NPR3: variants seen among roughly 807,000 people sequenced by gnomAD.
NPR3 encodes atrial natriuretic peptide receptor 3.
NPR3 carries 34 observed loss-of-function variants against 54.5 expected under a neutral mutation model. The observed-to-expected ratio is 0.62, with a 90% CI of 0.47 to 0.83. NPR3 has a LOEUF of 0.83. Among genes scored for constraint, NPR3 ranks in the 40% least tolerant of loss-of-function variants. The pLI is 0.00. For synonymous variants in NPR3, 289 were observed against 297.1 expected, an observed-to-expected ratio of 0.97 and a Z score of 0.28; for missense variants, 674 against 720.8, an observed-to-expected ratio of 0.94 and a Z score of 0.74.
intron 5 of NPR3, among the ~76,000 whole-genome samples, chr5:32,781,243 C>T (rs1386055375): frequency 6.6e-6 from 1 of 151,962 alleles, no homozygotes. Context: ...ATGAGTCTTC[C>T]GTGCTTGGGA....
chr5:32,732,377 C>T (rs955323968), intron 2 of NPR3, among the ~76,000 whole-genome samples: 1 of 152,006 alleles, frequency 6.6e-6, no homozygotes, highest in South Asian at 2.1e-4. Flanking sequence ...AAGAGACCCT[C>T]CTGGTTGACA....
At chr5:32,774,641 T>C in intron 3 of NPR3, 67 bp from the exon 4 acceptor site, 2 of 1,226,992 alleles carry the variant, frequency 1.6e-6, no homozygotes, top group Non-Finnish European at 2.4e-6. Flanking sequence ...CGCTTTGGAT[T>C]GCTCATCTTA....
intron 3 of NPR3, among the ~76,000 whole-genome samples, chr5:32,745,176 A>G (rs1318225475): frequency 1.3e-5 from 2 of 152,104 alleles, no homozygotes; most frequent in Non-Finnish European, 2.9e-5. Context: ...ATTCAGTTTC[A>G]ATTATACCAT....
In NPR3 at chr5:32,774,752, C is replaced by T. The variant is rs140897654; in HGVS notation, c.1104C>T (p.Tyr368=). The change falls in exon 4 of 8, where the codon TAC becomes TAT. Residue 368 remains tyrosine, a synonymous_variant. Coordinates refer to ENST00000265074, the MANE Select transcript of NPR3 (RefSeq NM_001204375.2). The part of the protein sequence containing the change: ...VEGFHDAILL[Y]VLALHEVLRA... ...GATTCCACGATGCCATCCTCCTCTA[C>T]GTCTTGGCTCTACATGAAGTACTCA... 617 of 1,606,972 alleles carry T rather than the reference C, an allele frequency of 3.8e-4. 3 individuals carry two copies. In the African/African-American group the frequency reaches 5.9e-3, roughly 15 times the overall value.
chr5:32,722,361 T>A (rs1738910550), intron 1 of NPR3, among the ~76,000 whole-genome samples: 1 of 152,242 alleles, frequency 6.6e-6, no homozygotes, highest in Non-Finnish European at 1.5e-5. Context: ...CTACTGCTTA[T>A]AATTTGTCTC....
Position 32,790,577 on chromosome 5 carries a change from T to C in NPR3, c.*4232T>C, listed in dbSNP as rs1038471489. On this transcript the variant is annotated 3_prime_UTR_variant, in exon 8 of 8. Transcript: ENST00000265074. ...TGATGTGCATAAACTCCAACAAGCC[T>C]GGCTTTGGTGTTCAGCATGCACATT... 6.0e-6 allele frequency: 1 copy of C among 166,714 alleles called. No individual in the cohort carries two copies. Among genetic ancestry groups the C allele is most frequent in the African/African-American group, 2.4e-5 (1 of 41,448 alleles). 10.3% of individuals were successfully genotyped at this position (166,714 alleles called of 1,614,324 possible).
chr5:32,721,158 G>T (rs1738837852), intron 1 of NPR3, among the ~76,000 whole-genome samples: 1 of 152,182 alleles, frequency 6.6e-6, no homozygotes, highest in South Asian at 2.1e-4. Context: ...GTTTGAACTG[G>T]AACTGGATGA....
chr5:32,721,353 G>T (rs974026314), intron 1 of NPR3, among the ~76,000 whole-genome samples: 1 of 152,144 alleles, frequency 6.6e-6, no homozygotes, highest in African/African-American at 2.4e-5. Flanking sequence ...AGTCTAAGTG[G>T]CTACTAACAT....
At chr5:32,705,284 C>T (rs1002185739), upstream of NPR3, among the ~76,000 whole-genome samples, 1 of 152,212 alleles carries the variant, frequency 6.6e-6, no homozygotes, top group Non-Finnish European at 1.5e-5. Flanking sequence ...CAGTGGCAGA[C>T]CATCCACATC....
intron 3 of NPR3, among the ~76,000 whole-genome samples, chr5:32,760,862 G>A (rs538026961): frequency 2.0e-5 from 3 of 152,162 alleles, no homozygotes; most frequent in South Asian, 4.1e-4. Context: ...TTGCTGTGAG[G>A]TAGGAATCAA....
intron 1 of NPR3, among the ~76,000 whole-genome samples, chr5:32,723,136 A>G (rs1738952343): frequency 6.6e-6 from 1 of 152,190 alleles, no homozygotes; most frequent in Non-Finnish European, 1.5e-5. Flanking sequence ...TGCTTTTACA[A>G]AGAACATACA....
At chr5:32,707,087 T>A (rs1265598141), upstream of NPR3, among the ~76,000 whole-genome samples, 4 of 152,202 alleles carry the variant, frequency 2.6e-5, no homozygotes, top group Non-Finnish European at 4.4e-5. Flanking sequence ...TATGCCAGTA[T>A]TCAGGTTAAA....
Position 32,751,239 on chromosome 5 carries a change from C to T in NPR3, c.1059+12209C>T, listed in dbSNP as rs1240991980. Among the ~76,000 whole-genome samples, 3 of 152,270 alleles carry T rather than the reference C, an allele frequency of 2.0e-5. No homozygotes were observed. In the East Asian group the frequency reaches 5.8e-4, roughly 29 times the overall value. On this transcript the variant is annotated intron_variant, in intron 3 of 7. Transcript: ENST00000265074. ...ATGTAGCAATTTTATACCCTTTCTA[C>T]AATCTGTTAAAACTCTTTTGTTGTA...
At position 32,791,435 on chromosome 5, in the gene NPR3, G is replaced by A. The variant is rs1046107861; in HGVS notation, c.*5090G>A. 16 of 167,036 alleles carry A rather than the reference G, an allele frequency of 9.6e-5. No individual in the cohort carries two copies. The highest frequency in any genetic ancestry group is 1.2e-4 in the African/African-American group (5 of 41,426). 10.3% of individuals were successfully genotyped at this position (167,036 alleles called of 1,614,324 possible). The stretch of plus-strand genomic sequence containing the variant: ...AAAAGTAAAAGTAAAAGCTGCACAC[G>A]TTACATACTGTTTATTGTTCTAATG... On this transcript the variant is annotated 3_prime_UTR_variant, in exon 8 of 8. Coordinates refer to ENST00000265074, the MANE Select transcript of NPR3 (RefSeq NM_001204375.2).
Position 32,712,407 on chromosome 5 carries a change from C to A in NPR3, c.631C>A (p.Arg211=), listed in dbSNP as rs1738300687. The change falls in exon 1 of 8, where the codon CGG becomes AGG. Residue 211 remains arginine (R), a synonymous_variant. Coordinates refer to ENST00000265074, the MANE Select transcript of NPR3 (RefSeq NM_001204375.2). The part of the protein sequence containing the change: ...ALVYSDDKLE[R]NCYFTLEGVH... The stretch of plus-strand genomic sequence containing the variant: ...GGTCTACAGCGACGACAAGCTGGAG[C>A]GGAACTGCTACTTCACCCTCGAGGG... The A allele has an allele frequency of 6.2e-7, 1 of 1,613,264 alleles. No individual in the cohort carries two copies. Among genetic ancestry groups the A allele is most frequent in the Non-Finnish European group, 8.5e-7 (1 of 1,179,582 alleles).
intron 3 of NPR3, among the ~76,000 whole-genome samples, chr5:32,766,514 T>C (rs1010597346): frequency 1.1e-4 from 17 of 152,226 alleles, no homozygotes; most frequent in African/African-American, 4.1e-4. Flanking sequence ...CTTTAGATTA[T>C]ATAAAAAGTT....
At chr5:32,728,852 T>TA in intron 2 of NPR3, among the ~76,000 whole-genome samples, 1 of 120,244 alleles carries the variant, frequency 8.3e-6, no homozygotes, top group Admixed American at 7.9e-5. Flanking sequence ...TATATATATA[T>TA]ATATATATAT....
At chr5:32,742,993 G>T (rs532620703) in intron 3 of NPR3, among the ~76,000 whole-genome samples, 34 of 152,140 alleles carry the variant, frequency 2.2e-4, no homozygotes, top group African/African-American at 8.0e-4. Context: ...AAAGGTTATG[G>T]TCTTCTGAAA....
intron 1 of NPR3, among the ~76,000 whole-genome samples, chr5:32,700,553 C>G (rs563115512): frequency 3.9e-4 from 60 of 151,978 alleles, no homozygotes; most frequent in Non-Finnish European, 7.6e-4. Flanking sequence ...CCCAGCCCCC[C>G]ACCCCCCGAC....
Sources: allele counts gnomAD v4.1 joint callset (sites outside exome capture counted in the v4.1 genomes callset), GRCh38; gene constraint gnomAD v4.1.1; transcripts MANE v1.5; gene names NCBI Gene and HGNC (gene_info 2026-07-23, HGNC 2026-07-21).